The following ATP8A2 variants were observed in gnomAD, a reference collection of about 807,000 sequenced individuals.
ATP8A2 encodes the protein phospholipid-transporting ATPase IB.
ATP8A2 carries 100 observed loss-of-function variants against 165.6 expected under a neutral mutation model. The ratio of observed to expected loss-of-function variants is 0.60; its 90% confidence interval spans 0.51 to 0.71. ATP8A2 has a LOEUF of 0.71. Ranked by LOEUF, ATP8A2 falls within the 30% of genes least tolerant of loss-of-function variation. The pLI is 0.00. For synonymous variants in ATP8A2, 543 were observed against 548.8 expected, an observed-to-expected ratio of 0.99 and a Z score of 0.15; for missense variants, 1,227 against 1,479.5, an observed-to-expected ratio of 0.83 and a Z score of 2.80.
intron 24 of ATP8A2, among the ~76,000 whole-genome samples, chr13:25,644,610 C>T (rs562944232): frequency 2.7e-5 from 4 of 150,730 alleles, no homozygotes; most frequent in South Asian, 2.1e-4. Context: ...TTTTTGAAGG[C>T]GTGTCTAAAA....
At chr13:25,741,787 G>T (rs1259175987) in intron 25 of ATP8A2, among the ~76,000 whole-genome samples, 2 of 152,194 alleles carry the variant, frequency 1.3e-5, no homozygotes, top group African/African-American at 4.8e-5. Context: ...GGGGAAGGGT[G>T]CTGGACCCAG....
chr13:25,445,467 T>C (rs913736010), intron 1 of ATP8A2, among the ~76,000 whole-genome samples: 1 of 152,218 alleles, frequency 6.6e-6, no homozygotes, highest in South Asian at 2.1e-4. Flanking sequence ...TCATTCATCT[T>C]TGTTTTCAGG....
At chr13:25,394,521 C>T (rs2033353289) in intron 1 of ATP8A2, among the ~76,000 whole-genome samples, 1 of 152,056 alleles carries the variant, frequency 6.6e-6, no homozygotes, top group Non-Finnish European at 1.5e-5. Flanking sequence ...GGGCAACCAA[C>T]CAGAAGAGGA....
rs866773196 is a variant in ATP8A2 at position 25,738,343 on chromosome 13, C to A, written c.2385-30703C>A. On this transcript the variant is annotated intron_variant, in intron 25 of 36. Coordinates refer to ENST00000381655, the MANE Select transcript of ATP8A2 (RefSeq NM_016529.6). ...TTTTTTTCTTTTTGTGCCCCCCTCCCCCCCCCCCACACACACTTCTTCTGG... is the reference window on the plus strand; with the variant it reads ...TTTTTTTCTTTTTGTGCCCCCCTCCACCCCCCCCACACACACTTCTTCTGG... 5.9e-4 allele frequency among the ~76,000 whole-genome samples: 60 copies of A among 102,296 alleles called. 2 individuals carry two copies. Among genetic ancestry groups the A allele is most frequent in the African/African-American group, 3.6e-3 (53 of 14,752 alleles). 67.1% of individuals were successfully genotyped at this position (102,296 alleles called of 152,430 possible).
intron 24 of ATP8A2, among the ~76,000 whole-genome samples, chr13:25,639,389 A>G (rs1215095030): frequency 3.3e-5 from 5 of 152,230 alleles, no homozygotes; most frequent in Non-Finnish European, 7.3e-5. Context: ...CTAGGCTCAA[A>G]ATAAAGGGAT....
At chr13:25,696,472 T>A (rs778631515) in intron 24 of ATP8A2, among the ~76,000 whole-genome samples, 19 of 152,242 alleles carry the variant, frequency 1.2e-4, no homozygotes, top group Non-Finnish European at 2.6e-4. Flanking sequence ...AAATCTGTTA[T>A]TCAGTGAAGC....
intron 35 of ATP8A2, among the ~76,000 whole-genome samples, chr13:26,003,024 C>T (rs567671810): frequency 6.6e-6 from 1 of 152,106 alleles, no homozygotes; most frequent in Non-Finnish European, 1.5e-5. Flanking sequence ...CTGATTTCCA[C>T]TCCTTTGGAT....
In ATP8A2 at chr13:25,468,980, C is replaced by T; in HGVS notation, c.80C>T (p.Pro27Leu). ...TGCCTGCGCCCTGTCTCTGCAGGAC[C>T]TGTTCGTTCTTCTTTGGGCTATAAG... ...RRSRIRSSVG[P>L]VRSSLGYKKA... Residue 27 changes from proline (P) to leucine (L), a missense_variant, in exon 2 of 37, where the codon CCT becomes CTT. Coordinates refer to ENST00000381655, the MANE Select transcript of ATP8A2 (RefSeq NM_016529.6). 1 of 1,613,956 alleles carries T rather than the reference C, an allele frequency of 6.2e-7. No homozygotes were observed. The highest frequency in any genetic ancestry group is 1.7e-5 in the Admixed American group (1 of 60,018).
At chr13:25,838,268 G>A (rs1371141793) in intron 29 of ATP8A2, among the ~76,000 whole-genome samples, 1 of 152,176 alleles carries the variant, frequency 6.6e-6, no homozygotes, top group Non-Finnish European at 1.5e-5. Flanking sequence ...AGATGTTCCT[G>A]ACGTCCCTTA....
At chr13:25,412,784 A>G (rs2034007489) in intron 1 of ATP8A2, among the ~76,000 whole-genome samples, 1 of 152,212 alleles carries the variant, frequency 6.6e-6, no homozygotes, top group Non-Finnish European at 1.5e-5. Context: ...GTGTCCAGGT[A>G]GGACCTACAT....
chr13:25,533,131 G>C, intron 5 of ATP8A2, 142 bp from the exon 6 acceptor site: 1 of 634,172 alleles, frequency 1.6e-6, no homozygotes, highest in Non-Finnish European at 2.8e-6. Context: ...GAGGGTGGGG[G>C]TGCTGATGTT....
At chr13:25,444,327 T>C (rs908957472) in intron 1 of ATP8A2, among the ~76,000 whole-genome samples, 1 of 152,244 alleles carries the variant, frequency 6.6e-6, no homozygotes, top group African/African-American at 2.4e-5. Flanking sequence ...GCTTCCTTTT[T>C]TTTTCTGCTA....
rs529650418 is a variant in ATP8A2, at chr13:25,619,085, AGGTAAACT to A, written c.2211+29388_2211+29395del. Among the ~76,000 whole-genome samples the A allele has an allele frequency of 1.8e-3, 277 of 152,296 alleles. 1 individual carries two copies. Among genetic ancestry groups the A allele is most frequent in the Middle Eastern group, 0.017 (5 of 294 alleles). ...GAAGAAAGGAGAGTAAGGGATTCTC[AGGTAAACT>A]GAAGGAGAGCAGGAACTCAGAGAGG... is the stretch of plus-strand genomic sequence containing the variant. On this transcript the variant is annotated intron_variant, in intron 24 of 36. Coordinates refer to ENST00000381655, the MANE Select transcript of ATP8A2 (RefSeq NM_016529.6).
At chr13:25,952,446 T>C (rs1955394240) in intron 33 of ATP8A2, among the ~76,000 whole-genome samples, 4 of 151,612 alleles carry the variant, frequency 2.6e-5, no homozygotes. Context: ...AGTGGCACAA[T>C]CATAGCTCAC....
At chr13:26,006,027 T>C (rs1956729594) in intron 35 of ATP8A2, among the ~76,000 whole-genome samples, 1 of 152,034 alleles carries the variant, frequency 6.6e-6, no homozygotes. Context: ...GATCAGCTTT[T>C]CTATCTTTGC....
chr13:25,971,811 T>G (rs1405429607), intron 35 of ATP8A2, among the ~76,000 whole-genome samples: 2 of 152,100 alleles, frequency 1.3e-5, no homozygotes, highest in African/African-American at 4.8e-5. Context: ...ATCTGTGATG[T>G]AAGATTAGCA....
At position 25,476,362 on chromosome 13, in the gene ATP8A2, T is replaced by G. The variant is rs182249883; in HGVS notation, c.221+7241T>G. 7.8e-4 allele frequency among the ~76,000 whole-genome samples: 119 copies of G among 152,222 alleles called. 2 individuals carry two copies. The East Asian group carries it at 0.02, about 25-fold the overall frequency. On this transcript the variant is annotated intron_variant, in intron 2 of 36. Transcript: ENST00000381655. ...GTGCAGTGGCGCGAACTCCACTCAT[T>G]GCAAACCTTTGCCTCCTGGGTTCAA...
chr13:25,899,773 A>C (rs1953678763), intron 33 of ATP8A2, among the ~76,000 whole-genome samples: 1 of 152,218 alleles, frequency 6.6e-6, no homozygotes, highest in African/African-American at 2.4e-5. Flanking sequence ...AGGACAGAGC[A>C]AGAAACTTGA....
intron 1 of ATP8A2, among the ~76,000 whole-genome samples, chr13:25,406,122 A>C (rs762987029): frequency 2.0e-5 from 3 of 152,222 alleles, no homozygotes; most frequent in Non-Finnish European, 4.4e-5. Context: ...CTTACCCCCA[A>C]ATTCTGAGGA....
Sources: allele counts gnomAD v4.1 joint callset (sites outside exome capture counted in the v4.1 genomes callset), GRCh38; gene constraint gnomAD v4.1.1; transcripts MANE v1.5; gene names NCBI Gene and HGNC (gene_info 2026-07-23, HGNC 2026-07-21).